HIGD2B: variants seen among roughly 807,000 people sequenced by gnomAD.
HIGD2B encodes the protein HIG1 domain family member 2B.
For missense variants in HIGD2B, 106 were observed against 67.0 expected, an observed-to-expected ratio of 1.58 and a Z score of -2.03; for synonymous variants, 45 against 28.1, an observed-to-expected ratio of 1.60 and a Z score of -1.90.
chr15:72,675,941 C>A lies in HIGD2B; in HGVS notation c.*113G>T, dbSNP rs1425320370. ...TGGTTACAGGAAGGGTCACTTCCTC[C>A]CCCAACGACACAGGGACCTCTCAAA... On this transcript the variant is annotated 3_prime_UTR_variant, in exon 3 of 3. Coordinates refer to ENST00000311755, the MANE Select transcript of HIGD2B (RefSeq NM_001350932.3). The A allele has an allele frequency of 2.5e-5, 15 of 598,902 alleles. No homozygotes were observed. Among genetic ancestry groups the A allele is most frequent in the Non-Finnish European group, 4.5e-5 (15 of 334,750 alleles). The allele number at this position is 598,902 out of a possible 1,614,324, so 37.1% of individuals were successfully genotyped here.
rs566025883 is a variant in HIGD2B at position 72,680,166 on chromosome 15, C to T, written c.-165G>A. The T allele has an allele frequency of 5.6e-6, 1 of 177,834 alleles. No individual in the cohort carries two copies. Among genetic ancestry groups the T allele is most frequent in the South Asian group, 1.4e-4 (1 of 7,052 alleles). The allele number at this position is 177,834 out of a possible 1,614,324, so 11.0% of individuals were successfully genotyped here. A position where few individuals can be genotyped will look rare whatever the true frequency, so the allele number is the denominator to read the frequency against. On this transcript the variant is annotated 5_prime_UTR_variant, in exon 2 of 3. Transcript: ENST00000311755. Reference sequence around the variant, plus strand: ...ATTCTTACCCAGCTGGTGGAGTCTACAGCCTATTTCAGGTTTGACCTCAGT... The same window carrying T: ...ATTCTTACCCAGCTGGTGGAGTCTATAGCCTATTTCAGGTTTGACCTCAGT...
chr15:72,680,837 T>A (rs754135088), intron 1 of HIGD2B, among the ~76,000 whole-genome samples: 9 of 152,050 alleles, frequency 5.9e-5, no homozygotes, highest in Non-Finnish European at 1.0e-4. Flanking sequence ...GAGGTTGCAG[T>A]GAGATCGTGC....
At chr15:72,683,778 C>A (rs1285423345) in intron 1 of HIGD2B, among the ~76,000 whole-genome samples, 1 of 151,998 alleles carries the variant, frequency 6.6e-6, no homozygotes, top group Non-Finnish European at 1.5e-5. Flanking sequence ...GAGGTAGAGG[C>A]TGCAGTGAGC....
At chr15:72,681,417 G>A (rs952043409) in intron 1 of HIGD2B, among the ~76,000 whole-genome samples, 3 of 151,952 alleles carry the variant, frequency 2.0e-5, no homozygotes, top group African/African-American at 4.8e-5. Flanking sequence ...CAAGACAACC[G>A]CACAGCTAAA....
chr15:72,679,509 G>A (rs979854564), intron 2 of HIGD2B, among the ~76,000 whole-genome samples: 1 of 152,192 alleles, frequency 6.6e-6, no homozygotes, highest in African/African-American at 2.4e-5. Flanking sequence ...AGATGGTTTT[G>A]TGATAGGATT....
chr15:72,683,438 CTTTTTT>C (rs11329719), intron 1 of HIGD2B, among the ~76,000 whole-genome samples: 3 of 125,064 alleles, frequency 2.4e-5, no homozygotes, highest in African/African-American at 2.9e-5. Context: ...TCAATTCCTC[CTTTTTT>C]TTTTTTTTTT....
rs1390731329 is a variant in HIGD2B, at chr15:72,680,099, A to G, written c.-98T>C. 1 of 325,876 alleles carries G rather than the reference A, an allele frequency of 3.1e-6. No homozygotes were observed. The highest frequency in any genetic ancestry group is 2.2e-5 in the African/African-American group (1 of 45,632). 20.2% of individuals were successfully genotyped at this position (325,876 alleles called of 1,614,324 possible). Reference sequence around the variant, plus strand: ...GATTCCCTGCTTTTGCCTGGGCAAAATAGTCCATCAACCAAAGTTTAGGTT... The same window carrying G: ...GATTCCCTGCTTTTGCCTGGGCAAAGTAGTCCATCAACCAAAGTTTAGGTT... On this transcript the variant is annotated 5_prime_UTR_variant, in exon 2 of 3. Transcript: ENST00000311755.
chr15:72,681,656 T>G (rs2064751686), intron 1 of HIGD2B, among the ~76,000 whole-genome samples: 1 of 146,996 alleles, frequency 6.8e-6, no homozygotes. Flanking sequence ...CAGGCTGGAG[T>G]GCAGTGGTGG....
intron 1 of HIGD2B, among the ~76,000 whole-genome samples, chr15:72,684,785 A>C (rs550165432): frequency 3.3e-4 from 50 of 151,864 alleles, no homozygotes; most frequent in African/African-American, 1.2e-3. Flanking sequence ...CACCGAGCCC[A>C]GCAAATTTTT....
At chr15:72,685,130 C>A (rs191575426) in intron 1 of HIGD2B, among the ~76,000 whole-genome samples, 2 of 152,298 alleles carry the variant, frequency 1.3e-5, no homozygotes, top group East Asian at 3.9e-4. Flanking sequence ...AGCTGTTATT[C>A]TATTGCTGTC....
At chr15:72,678,736 G>A (rs974544897) in intron 2 of HIGD2B, among the ~76,000 whole-genome samples, 2 of 152,058 alleles carry the variant, frequency 1.3e-5, no homozygotes, top group African/African-American at 2.4e-5. Flanking sequence ...AGTGGTTCGC[G>A]CCTGTAATCC....
intron 1 of HIGD2B, among the ~76,000 whole-genome samples, chr15:72,684,391 T>G (rs573868988): frequency 1.3e-5 from 2 of 150,772 alleles, no homozygotes; most frequent in African/African-American, 4.8e-5. Context: ...TGGCCTTATG[T>G]TCCCTACCTC....
At chr15:72,679,879 T>C (rs1216804253) in intron 2 of HIGD2B, 136 bp downstream of exon 2, 1 of 159,768 alleles carries the variant, frequency 6.3e-6, no homozygotes, top group Admixed American at 6.4e-5. Flanking sequence ...CGAGAAACCA[T>C]CATTTATCTG....
intron 2 of HIGD2B, among the ~76,000 whole-genome samples, chr15:72,677,311 A>T (rs1370054051): frequency 6.6e-6 from 1 of 151,924 alleles, no homozygotes; most frequent in Non-Finnish European, 1.5e-5. Flanking sequence ...ACTACTCAGG[A>T]GCTACACAAG....
At chr15:72,684,913 A>AG (rs1480499401) in intron 1 of HIGD2B, among the ~76,000 whole-genome samples, 2 of 152,270 alleles carry the variant, frequency 1.3e-5, no homozygotes, top group Non-Finnish European at 2.9e-5. Flanking sequence ...CCTCCCGAGT[A>AG]GCTGCGATTA....
Position 72,686,085 on chromosome 15 carries a change from C to T in HIGD2B, c.-460G>A. 2.3e-6 allele frequency: 2 copies of T among 867,044 alleles called. No homozygotes were observed. The highest frequency in any genetic ancestry group is 1.4e-5 in the South Asian group (1 of 69,004). 53.7% of individuals were successfully genotyped at this position (867,044 alleles called of 1,614,324 possible). A position where few individuals can be genotyped will look rare whatever the true frequency, so the allele number is the denominator to read the frequency against. On this transcript the variant is annotated 5_prime_UTR_variant, in exon 1 of 3. Coordinates refer to ENST00000311755, the MANE Select transcript of HIGD2B (RefSeq NM_001350932.3). ...AGCCTTCTGTGGAGCAGACCCTAAT[C>T]CTCCCCCTGATTCCTTAGGTCACTC...
At chr15:72,679,619 A>G (rs2064728428) in intron 2 of HIGD2B, among the ~76,000 whole-genome samples, 1 of 152,136 alleles carries the variant, frequency 6.6e-6, no homozygotes. Flanking sequence ...CCCCTCCTCA[A>G]GATGTAATAT....
At chr15:72,684,818 C>T (rs929703484) in intron 1 of HIGD2B, among the ~76,000 whole-genome samples, 4 of 151,316 alleles carry the variant, frequency 2.6e-5, no homozygotes, top group Admixed American at 1.3e-4. Context: ...GAGTCTCCCT[C>T]TATCGCCCAG....
chr15:72,684,365 T>C (rs1239494396), intron 1 of HIGD2B, among the ~76,000 whole-genome samples: 1 of 150,180 alleles, frequency 6.7e-6, no homozygotes, highest in Non-Finnish European at 1.5e-5. Flanking sequence ...TTACCTGTTA[T>C]AGCTGAAGTG....
Sources: allele counts gnomAD v4.1 joint callset (sites outside exome capture counted in the v4.1 genomes callset), GRCh38; gene constraint gnomAD v4.1.1; transcripts MANE v1.5; gene names NCBI Gene and HGNC (gene_info 2026-07-23, HGNC 2026-07-21).